The following LRBA variants were observed in gnomAD, a reference collection of about 807,000 sequenced individuals.
The protein encoded by LRBA is lipopolysaccharide-responsive and beige-like anchor protein.
LRBA carries 176 observed loss-of-function variants against 330.0 expected under a neutral mutation model. The observed-to-expected ratio is 0.53, with a 90% CI of 0.47 to 0.60. The LOEUF (loss-of-function observed/expected upper bound fraction) is 0.60, where lower values mean the gene tolerates loss of function less well. LRBA is among the 20% of genes least tolerant of loss of function. The probability of loss-of-function intolerance (pLI) is 0.00; values close to 1 mark genes in which losing one functional copy is unlikely to be tolerated. For synonymous variants in LRBA, 1,230 were observed against 1,193.0 expected (o/e 1.03, Z -0.64); for missense variants, 3,259 against 3,444.8 (o/e 0.95, Z 1.35).
At chr4:150,512,875 T>C (rs1003740209) in intron 40 of LRBA, among the ~76,000 whole-genome samples, 5 of 152,192 alleles carry the variant, frequency 3.3e-5, no homozygotes, top group Non-Finnish European at 7.4e-5. Flanking sequence ...TGTAAGAATA[T>C]TCAATTCTGC....
At chr4:150,921,428 G>A in intron 4 of LRBA, 135 bp from the exon 5 acceptor site, 1 of 607,260 alleles carries the variant, frequency 1.6e-6, no homozygotes, top group Non-Finnish European at 2.9e-6. Flanking sequence ...TAATTTCTAA[G>A]TTATTTTCAA....
At chr4:150,496,240 T>C (rs1242179075) in intron 40 of LRBA, among the ~76,000 whole-genome samples, 1 of 152,138 alleles carries the variant, frequency 6.6e-6, no homozygotes, top group Non-Finnish European at 1.5e-5. Flanking sequence ...CTTCACTTTG[T>C]TGCACTTATT....
intron 41 of LRBA, 63 bp downstream of exon 41, chr4:150,490,854 CA>C: frequency 4.3e-6 from 4 of 933,810 alleles, no homozygotes. Flanking sequence ...ATGGTATGTT[CA>C]AAAATGAAAT....
At chr4:150,825,592 C>T (rs1263871787) in intron 30 of LRBA, among the ~76,000 whole-genome samples, 1 of 152,134 alleles carries the variant, frequency 6.6e-6, no homozygotes, top group Non-Finnish European at 1.5e-5. Context: ...TGGTCTTGAA[C>T]TGCTGATCTC....
At chr4:150,556,421 T>C (rs1232907358) in intron 40 of LRBA, among the ~76,000 whole-genome samples, 1 of 152,242 alleles carries the variant, frequency 6.6e-6, no homozygotes, top group Non-Finnish European at 1.5e-5. Context: ...AAATCAGAGC[T>C]ATTCTTACTT....
intron 40 of LRBA, among the ~76,000 whole-genome samples, chr4:150,564,261 A>G (rs2038548447): frequency 6.6e-6 from 1 of 152,176 alleles, no homozygotes; most frequent in Admixed American, 6.5e-5. Flanking sequence ...ATCTTTGACA[A>G]ACCTGACAAA....
chr4:150,470,840 TACACAC>T (rs146604033), intron 43 of LRBA, among the ~76,000 whole-genome samples: 8 of 140,552 alleles, frequency 5.7e-5, no homozygotes, highest in African/African-American at 1.6e-4. Flanking sequence ...CCCTCATTAC[TACACAC>T]ACACACACAC....
chr4:150,925,054 C>A (rs981209773), intron 4 of LRBA, among the ~76,000 whole-genome samples: 1 of 151,798 alleles, frequency 6.6e-6, no homozygotes, highest in African/African-American at 2.4e-5. Context: ...TCCGTGGTCC[C>A]AGCTACTTGG....
At chr4:150,407,718 G>A (rs186506027) in intron 47 of LRBA, among the ~76,000 whole-genome samples, 1 of 152,134 alleles carries the variant, frequency 6.6e-6, no homozygotes, top group Admixed American at 6.6e-5. Flanking sequence ...GAAAATACAG[G>A]AGAAAATTTG....
At chr4:150,312,887 T>A (rs1336649973) in intron 51 of LRBA, among the ~76,000 whole-genome samples, 2 of 152,054 alleles carry the variant, frequency 1.3e-5, no homozygotes, top group Non-Finnish European at 2.9e-5. Context: ...AGAGGTTCCA[T>A]CTATAAAAAC....
intron 23 of LRBA, 116 bp downstream of exon 23, chr4:150,851,769 T>C (rs1230549785): frequency 8.5e-6 from 9 of 1,053,652 alleles, no homozygotes; most frequent in Non-Finnish European, 1.2e-5. Context: ...ATTGCATTTA[T>C]TTAGTTGTGA....
At chr4:150,455,150 G>C (rs1438345766) in intron 44 of LRBA, among the ~76,000 whole-genome samples, 3 of 105,282 alleles carry the variant, frequency 2.8e-5, no homozygotes, top group Non-Finnish European at 5.4e-5. Context: ...ACAGTCCCCA[G>C]AGTGTGATAT....
chr4:150,894,323 T>G (rs1414647026), intron 16 of LRBA, among the ~76,000 whole-genome samples: 1 of 152,184 alleles, frequency 6.6e-6, no homozygotes, highest in African/African-American at 2.4e-5. Context: ...ATCATTTTCA[T>G]ATACGGTATT....
intron 40 of LRBA, among the ~76,000 whole-genome samples, chr4:150,496,630 G>A (rs1759620822): frequency 6.6e-6 from 1 of 151,904 alleles, no homozygotes; most frequent in Admixed American, 6.6e-5. Context: ...TCAATAAAAG[G>A]TATTTTAAAA....
intron 36 of LRBA, among the ~76,000 whole-genome samples, chr4:150,707,678 G>C (rs1388676818): frequency 1.3e-5 from 2 of 151,690 alleles, no homozygotes; most frequent in Non-Finnish European, 3.0e-5. Context: ...CTGAACAGTG[G>C]AAGGGGGTGA....
intron 22 of LRBA, among the ~76,000 whole-genome samples, chr4:150,860,549 C>T (rs776618945): frequency 1.3e-4 from 20 of 152,044 alleles, no homozygotes; most frequent in Non-Finnish European, 2.6e-4. Context: ...ACATATAGGC[C>T]GGGCGCGGTG....
chr4:150,399,560 G>A (rs1171638761), intron 47 of LRBA, among the ~76,000 whole-genome samples: 1 of 152,186 alleles, frequency 6.6e-6, no homozygotes, highest in Non-Finnish European at 1.5e-5. Context: ...GAGATGCTGA[G>A]CCACCACTAA....
At chr4:150,648,170 A>AAAAAAAAAAAAC (rs1203233562) in intron 37 of LRBA, among the ~76,000 whole-genome samples, 1 of 144,188 alleles carries the variant, frequency 6.9e-6, no homozygotes, top group Non-Finnish European at 1.5e-5. Flanking sequence ...AAAAAAAAAA[A>AAAAAAAAAAAAC]AAAAAAACTA....
chr4:150,948,901 A>T (rs563136578), intron 2 of LRBA, among the ~76,000 whole-genome samples: 1 of 151,976 alleles, frequency 6.6e-6, no homozygotes, highest in Non-Finnish European at 1.5e-5. Flanking sequence ...ATCACTATAC[A>T]TCAATCAAAA....
Sources: gnomAD v4.1 joint callset for allele counts (sites outside exome capture counted in the v4.1 genomes callset) on GRCh38, gnomAD v4.1.1 for gene constraint, MANE v1.5 for transcripts, NCBI Gene and HGNC (gene_info 2026-07-23, HGNC 2026-07-21) for gene names.